The following RABL3 variants were observed in gnomAD, a reference collection of about 807,000 sequenced individuals.
RABL3 encodes rab-like protein 3.
In RABL3, 31 loss-of-function variants were observed where a neutral mutation model predicts 31.8. The observed-to-expected ratio is 0.97, with a 90% CI of 0.73 to 1.31. RABL3 has a LOEUF of 1.31. Ranked by LOEUF, RABL3 falls within the 40% of genes most tolerant of loss-of-function variation. The pLI, the probability that RABL3 is intolerant of heterozygous loss-of-function variation, is 0.00. For missense variants in RABL3, 263 were observed against 279.6 expected (o/e 0.94, Z 0.42); for synonymous variants, 97 against 99.9 (o/e 0.97, Z 0.18).
intron 1 of RABL3, among the ~76,000 whole-genome samples, chr3:120,733,631 A>G (rs1360801789): frequency 1.3e-5 from 2 of 152,160 alleles, no homozygotes; most frequent in Non-Finnish European, 2.9e-5. Flanking sequence ...GTCCTTGCCC[A>G]TGCCTATGTC....
intron 4 of RABL3, among the ~76,000 whole-genome samples, chr3:120,700,062 A>G (rs140303555): frequency 0.039 from 5,908 of 152,228 alleles, 293 homozygotes; most frequent in African/African-American, 0.12. Flanking sequence ...CATATAAAGC[A>G]TACATATATA....
chr3:120,722,408 T>A (rs1559819832), intron 2 of RABL3: 1 of 152,212 alleles, frequency 6.6e-6, no homozygotes, highest in Non-Finnish European at 1.5e-5. Context: ...AGAAAAATTA[T>A]TTCATAACTT....
intron 1 of RABL3, among the ~76,000 whole-genome samples, chr3:120,736,351 A>G (rs897445509): frequency 1.2e-4 from 19 of 152,144 alleles, no homozygotes; most frequent in African/African-American, 3.6e-4. Context: ...TTTTATCAGA[A>G]ACTAGGATTG....
At chr3:120,729,679 A>C (rs944491008) in intron 2 of RABL3, among the ~76,000 whole-genome samples, 3 of 152,172 alleles carry the variant, frequency 2.0e-5, no homozygotes, top group African/African-American at 7.2e-5. Flanking sequence ...AACTGTATAG[A>C]TATATTAAAA....
chr3:120,706,963 T>C (rs978446949), intron 3 of RABL3, among the ~76,000 whole-genome samples: 11 of 152,114 alleles, frequency 7.2e-5, no homozygotes, highest in African/African-American at 1.2e-4. Context: ...CAGCAAGATA[T>C]AGACAAAAGA....
At chr3:120,720,928 C>G (rs1350312445) in intron 2 of RABL3, among the ~76,000 whole-genome samples, 1 of 152,054 alleles carries the variant, frequency 6.6e-6, no homozygotes, top group Non-Finnish European at 1.5e-5. Flanking sequence ...TTAAGGGCAG[C>G]CAGAGAGAAA....
At chr3:120,726,378 A>G (rs957595917) in intron 2 of RABL3, among the ~76,000 whole-genome samples, 6 of 152,138 alleles carry the variant, frequency 3.9e-5, no homozygotes, top group African/African-American at 1.4e-4. Context: ...TAATCCCAGC[A>G]CTTTGGGAGG....
At chr3:120,701,721 T>C (rs1159807183) in intron 4 of RABL3, among the ~76,000 whole-genome samples, 2 of 152,216 alleles carry the variant, frequency 1.3e-5, no homozygotes, top group African/African-American at 2.4e-5. Flanking sequence ...AAACTTATAC[T>C]ATATTTAGGT....
chr3:120,718,530 A>G (rs1003838617), intron 2 of RABL3, among the ~76,000 whole-genome samples: 1 of 152,128 alleles, frequency 6.6e-6, no homozygotes, highest in Non-Finnish European at 1.5e-5. Context: ...TGCACTCCTT[A>G]CCCAGTATTT....
rs759940848 is a variant in RABL3 at position 120,709,790 on chromosome 3, G to A, written c.258C>T (p.Asn86=). The change falls in exon 3 of 8, where the codon AAC becomes AAT. Residue 86 remains asparagine (N), a synonymous_variant. Transcript: ENST00000273375. The part of the protein sequence containing the change: ...SVKSTRAVFY[N]SVNGIIFVHD... ...TTAAAAATGTTTTACCATTTACGGA[G>A]TTGTAGAATACTGCTCTTGTGCTTT... The A allele has an allele frequency of 1.4e-5, 23 of 1,609,574 alleles. No homozygotes were observed. Among genetic ancestry groups the A allele is most frequent in the Non-Finnish European group, 1.9e-5 (22 of 1,177,480 alleles).
chr3:120,737,790 C>G (rs1212283143), intron 1 of RABL3, among the ~76,000 whole-genome samples: 3 of 152,220 alleles, frequency 2.0e-5, no homozygotes, highest in Admixed American at 6.5e-5. Context: ...GAGGTCCGCT[C>G]CAGACCCTGT....
In RABL3 at chr3:120,730,753, G is replaced by T; in HGVS notation, c.81C>A (p.Cys27Ter). 4 of 1,613,754 alleles carry T rather than the reference G, an allele frequency of 2.5e-6. No individual in the cohort carries two copies. The highest frequency in any genetic ancestry group is 3.4e-6 in the Non-Finnish European group (4 of 1,179,746). Reference sequence around the variant, plus strand: ...ATGGATTTCCCAGCACTTGATTTTGGCATAGGAGATGGACTAACGAAGATT... The same window carrying T: ...ATGGATTTCCCAGCACTTGATTTTGTCATAGGAGATGGACTAACGAAGATT... ...VGKSSLVHLL[C>*]QNQVLGNPSW... Residue 27 changes from cysteine to a stop codon, truncating the protein, a stop_gained, in exon 2 of 8, where the codon TGC becomes TGA. Coordinates refer to ENST00000273375, the MANE Select transcript of RABL3 (RefSeq NM_173825.5). LOFTEE classifies it high-confidence loss of function.
At chr3:120,704,711 T>C (rs897794750) in intron 4 of RABL3, among the ~76,000 whole-genome samples, 1 of 152,228 alleles carries the variant, frequency 6.6e-6, no homozygotes, top group Non-Finnish European at 1.5e-5. Context: ...ATTCTATTTT[T>C]TTTTATACTA....
chr3:120,736,184 T>C (rs2107598408), intron 1 of RABL3, among the ~76,000 whole-genome samples: 1 of 152,286 alleles, frequency 6.6e-6, no homozygotes, highest in East Asian at 1.9e-4. Flanking sequence ...AGTCTAAGTG[T>C]CTTTGTAGGT....
At chr3:120,730,295 T>C (rs1041178815) in intron 2 of RABL3, among the ~76,000 whole-genome samples, 1 of 152,172 alleles carries the variant, frequency 6.6e-6, no homozygotes, top group Non-Finnish European at 1.5e-5. Context: ...ATGGAACAAA[T>C]GACCCAGACA....
At chr3:120,689,943 T>C in intron 7 of RABL3, 55 bp from the exon 8 acceptor site, 1 of 1,377,474 alleles carries the variant, frequency 7.3e-7, no homozygotes, top group Non-Finnish European at 1.0e-6. Context: ...GTTCAAATAC[T>C]AATAGTAATT....
At chr3:120,739,325 C>G (rs865931280) in intron 1 of RABL3, among the ~76,000 whole-genome samples, 1 of 151,094 alleles carries the variant, frequency 6.6e-6, no homozygotes, top group Non-Finnish European at 1.5e-5. Flanking sequence ...TGCAGTGAGC[C>G]GAGATTGCGC....
rs760807430 is a variant in RABL3, at chr3:120,685,800, C to A, written c.*4023G>T. Among the ~76,000 whole-genome samples the A allele has an allele frequency of 2.2e-4, 34 of 152,178 alleles. No individual in the cohort carries two copies. Among genetic ancestry groups the A allele is most frequent in the Non-Finnish European group, 4.7e-4 (32 of 68,026 alleles). ...GTCTTTCTTAAAGGCTAGATCCTGACTTATCTGCATGAGAAAAATCTGGCT... is the reference window on the plus strand; with the variant it reads ...GTCTTTCTTAAAGGCTAGATCCTGAATTATCTGCATGAGAAAAATCTGGCT... On this transcript the variant is annotated 3_prime_UTR_variant, in exon 8 of 8. Transcript: ENST00000273375.
chr3:120,723,151 C>T (rs974170094), intron 2 of RABL3, among the ~76,000 whole-genome samples: 37 of 152,198 alleles, frequency 2.4e-4, no homozygotes, highest in African/African-American at 8.2e-4. Flanking sequence ...AAACTACCAT[C>T]GGAGAATACT....
Sources: gnomAD v4.1 joint callset for allele counts (sites outside exome capture counted in the v4.1 genomes callset) on GRCh38, gnomAD v4.1.1 for gene constraint, MANE v1.5 for transcripts, NCBI Gene and HGNC (gene_info 2026-07-23, HGNC 2026-07-21) for gene names.